The following GVQW3 variants were observed in gnomAD, a reference collection of about 807,000 sequenced individuals.
GVQW3 encodes protein GVQW3.
GVQW3 carries 7 observed loss-of-function variants against 12.5 expected under a neutral mutation model. The ratio of observed to expected loss-of-function variants is 0.56; its 90% CI spans 0.32 to 1.05. GVQW3 has a LOEUF of 1.05. GVQW3 is among the 50% of genes least tolerant of loss of function. The pLI is 0.04. For synonymous variants in GVQW3, 71 were observed against 67.2 expected, an observed-to-expected ratio of 1.06 and a Z score of -0.28; for missense variants, 188 against 190.8, an observed-to-expected ratio of 0.99 and a Z score of 0.09.
At chr11:76,383,913 GC>G in intron 1 of GVQW3, 1 of 152,276 alleles carries the variant, frequency 6.6e-6, no homozygotes, top group Admixed American at 6.5e-5. Flanking sequence ...CCAACTCTAT[GC>G]CACTTGTTGT....
At chr11:76,398,134 CA>C (rs58006104) in intron 1 of GVQW3, among the ~76,000 whole-genome samples, 252 of 108,032 alleles carry the variant, frequency 2.3e-3, no homozygotes, top group Admixed American at 3.1e-3. Flanking sequence ...GACTGTGTCT[CA>C]AAAAAAAAAA....
At chr11:76,385,578 A>G (rs549976915) in intron 1 of GVQW3, among the ~76,000 whole-genome samples, 18 of 152,126 alleles carry the variant, frequency 1.2e-4, no homozygotes, top group African/African-American at 4.1e-4. Flanking sequence ...GCTTTTGGTC[A>G]CTTTGGTGTG....
At chr11:76,383,134 G>A (rs1946795856) in intron 1 of GVQW3, 1 of 152,378 alleles carries the variant, frequency 6.6e-6, no homozygotes, top group Non-Finnish European at 1.5e-5. Flanking sequence ...AGGAGGATCT[G>A]GTGCTAGAAA....
chr11:76,382,116 G>T lies in GVQW3; in HGVS notation c.288G>T (p.Glu96Asp). 2 of 1,536,494 alleles carry T rather than the reference G, an allele frequency of 1.3e-6. No homozygotes were observed. The highest frequency in any genetic ancestry group is 1.4e-5 in the African/African-American group (1 of 73,166). Residue 96 changes from glutamate to aspartate, a missense_variant, in exon 1 of 2, where the codon GAG becomes GAT. Physicochemically the swap from Glu to Asp is conservative, Grantham distance 45. Transcript: ENST00000529331. ...RQLTVRMMAE[E>D]LNLDKETVRL... ...TAACCGTGAGGATGATGGCTGAAGA[G>T]TTAAATTTAGACAAAGAAACTGTTA...
chr11:76,411,045 T>C (rs2156709), downstream of GVQW3: 142,353 of 152,358 alleles, frequency 0.93, 66,610 homozygotes, highest in African/African-American at 0.98. Flanking sequence ...AGCACTCTGG[T>C]GCTGCTCCTC....
chr11:76,399,233 A>G (rs1946966489), intron 1 of GVQW3, among the ~76,000 whole-genome samples: 1 of 152,032 alleles, frequency 6.6e-6, no homozygotes, highest in Non-Finnish European at 1.5e-5. Context: ...TCTACCTCCC[A>G]GGTTCAAGCG....
intron 1 of GVQW3, among the ~76,000 whole-genome samples, chr11:76,390,768 A>G (rs1465542133): frequency 1.3e-5 from 2 of 151,996 alleles, no homozygotes; most frequent in Non-Finnish European, 2.9e-5. Flanking sequence ...CGGAGCTTGC[A>G]GTGGGCTGAG....
At chr11:76,394,808 A>G (rs1397745911) in intron 1 of GVQW3, among the ~76,000 whole-genome samples, 1 of 152,220 alleles carries the variant, frequency 6.6e-6, no homozygotes, top group Admixed American at 6.5e-5. Flanking sequence ...ATTCCCATCA[A>G]CAGTGTATGA....
intron 1 of GVQW3, among the ~76,000 whole-genome samples, chr11:76,400,006 T>C (rs1030087930): frequency 2.3e-4 from 32 of 140,466 alleles, no homozygotes; most frequent in South Asian, 4.8e-4. Flanking sequence ...TCTCTCTGTA[T>C]ACACACACAC....
At chr11:76,401,471 A>C (rs1946988197) in intron 1 of GVQW3, among the ~76,000 whole-genome samples, 1 of 151,982 alleles carries the variant, frequency 6.6e-6, no homozygotes, top group Non-Finnish European at 1.5e-5. Flanking sequence ...GATCTGGACC[A>C]ATTTTTCTGT....
chr11:76,403,034 A>G (rs770849883), intron 1 of GVQW3, among the ~76,000 whole-genome samples: 10 of 151,274 alleles, frequency 6.6e-5, no homozygotes, highest in African/African-American at 1.7e-4. Flanking sequence ...TGCAACCTCT[A>G]CCTCCCGGGT....
At chr11:76,389,895 G>A (rs1946875388) in intron 1 of GVQW3, 1 of 152,188 alleles carries the variant, frequency 6.6e-6, no homozygotes, top group Admixed American at 6.5e-5. Context: ...TGAGAATACT[G>A]CACACATATC....
At chr11:76,389,459 G>A (rs887058157) in intron 1 of GVQW3, among the ~76,000 whole-genome samples, 30 of 143,668 alleles carry the variant, frequency 2.1e-4, no homozygotes, top group Non-Finnish European at 4.2e-4. Context: ...ATCTTGTGTT[G>A]GCAGCAAGGC....
intron 1 of GVQW3, among the ~76,000 whole-genome samples, chr11:76,394,650 A>G (rs535025580): frequency 1.3e-5 from 2 of 152,322 alleles, no homozygotes; most frequent in East Asian, 3.9e-4. Flanking sequence ...TGCAAAAAAC[A>G]TGGGAGTGCA....
chr11:76,403,353 A>G (rs1175034590), intron 1 of GVQW3, among the ~76,000 whole-genome samples: 1 of 152,222 alleles, frequency 6.6e-6, no homozygotes, highest in Admixed American at 6.5e-5. Flanking sequence ...TATTGTGATT[A>G]TGGAGGCTGA....
At chr11:76,401,838 A>T (rs926634081) in intron 1 of GVQW3, among the ~76,000 whole-genome samples, 4 of 152,004 alleles carry the variant, frequency 2.6e-5, no homozygotes, top group South Asian at 2.1e-4. Flanking sequence ...GGGTGCCTGC[A>T]TCTAAAGGTA....
At chr11:76,388,723 G>A (rs567863842) in intron 1 of GVQW3, among the ~76,000 whole-genome samples, 1 of 152,110 alleles carries the variant, frequency 6.6e-6, no homozygotes, top group African/African-American at 2.4e-5. Context: ...TTCCGTGTGT[G>A]CACACTAACC....
In GVQW3 at chr11:76,381,499, A is replaced by C. The variant is rs1946766791; in HGVS notation, c.-330A>C. On this transcript the variant is annotated 5_prime_UTR_variant, in exon 1 of 2. Transcript: ENST00000529331. ...GCCTTTCTTGCAGAATTCGCCATAT[A>C]CTCCTTAAGGGCCGCGGAATCGGAG... The C allele has an allele frequency of 4.1e-6, 1 of 245,546 alleles. No individual in the cohort carries two copies. Among genetic ancestry groups the C allele is most frequent in the East Asian group, 8.2e-5 (1 of 12,158 alleles). The allele number at this position is 245,546 out of a possible 1,614,324, so 15.2% of individuals were successfully genotyped here.
At chr11:76,396,163 A>G (rs1452715220) in intron 1 of GVQW3, among the ~76,000 whole-genome samples, 1 of 152,064 alleles carries the variant, frequency 6.6e-6, no homozygotes, top group African/African-American at 2.4e-5. Context: ...TTTTCCTTTT[A>G]TCATTATCAT....
Sources: gnomAD v4.1 joint callset for allele counts (sites outside exome capture counted in the v4.1 genomes callset) on GRCh38, gnomAD v4.1.1 for gene constraint, MANE v1.5 for transcripts, NCBI Gene and HGNC (gene_info 2026-07-23, HGNC 2026-07-21) for gene names.